Variants in NAV1 observed in about 807,000 individuals in gnomAD.
The protein encoded by NAV1 is pore membrane and/or filament interacting like protein 3.
NAV1 carries 18 observed loss-of-function variants against 175.2 expected under a neutral mutation model. That is an observed-to-expected ratio of 0.10 (90% CI 0.07 to 0.15). The LOEUF (loss-of-function observed/expected upper bound fraction) is 0.15, where lower values mean the gene tolerates loss of function less well. Ranked by LOEUF, NAV1 falls within the 10% of genes least tolerant of loss-of-function variation. NAV1 has a pLI of 1.00. For synonymous variants in NAV1, 897 were observed against 978.7 expected, an observed-to-expected ratio of 0.92 and a Z score of 1.56; for missense variants, 1,731 against 2,436.6, an observed-to-expected ratio of 0.71 and a Z score of 6.10.
chr1:201,665,250 G>T (rs1452184025), intron 1 of NAV1, among the ~76,000 whole-genome samples: 1 of 150,212 alleles, frequency 6.7e-6, no homozygotes, highest in Non-Finnish European at 1.5e-5. Context: ...CCGTTGCCTC[G>T]GCCACTCCCG....
At chr1:201,673,631 C>T (rs1889942) in intron 1 of NAV1, among the ~76,000 whole-genome samples, 55,386 of 151,962 alleles carry the variant, frequency 0.36, 10,340 homozygotes, top group East Asian at 0.48. Context: ...CCTCAGAGAG[C>T]CCCCATTCTG....
intron 7 of NAV1, among the ~76,000 whole-genome samples, chr1:201,784,738 A>T (rs1676594725): frequency 6.6e-6 from 1 of 150,858 alleles, no homozygotes; most frequent in Admixed American, 6.6e-5. Context: ...ACTATGCCTT[A>T]ATTTCTTTTT....
intron 1 of NAV1, among the ~76,000 whole-genome samples, chr1:201,671,847 G>A (rs2102380056): frequency 6.6e-6 from 1 of 152,306 alleles, no homozygotes; most frequent in South Asian, 2.1e-4. Context: ...GGTGAGTAAT[G>A]TCAGGCTGTC....
chr1:201,770,376 G>A (rs190891239), intron 3 of NAV1, among the ~76,000 whole-genome samples: 4 of 152,282 alleles, frequency 2.6e-5, no homozygotes, highest in African/African-American at 9.6e-5. Flanking sequence ...GAAAACAAGA[G>A]GAGGAATCAG....
chr1:201,696,466 G>A lies in NAV1; in HGVS notation c.758-16351G>A, dbSNP rs139893064. ...CCCAGTGAGGAGAAAGGGCTCCCTC[G>A]AGGAAGCATTGGACAGGAGCAGTGA... On this transcript the variant is annotated intron_variant, in intron 1 of 29. Transcript: ENST00000367296. Among the ~76,000 whole-genome samples the A allele has an allele frequency of 3.1e-3, 475 of 152,308 alleles. 5 individuals are homozygous for A. Among genetic ancestry groups the A allele is most frequent in the African/African-American group, 8.6e-3 (357 of 41,558 alleles).
rs567701280 is a variant in NAV1, at chr1:201,662,752, A to G, written c.757+13327A>G. Among the ~76,000 whole-genome samples, 40 of 152,214 alleles carry G rather than the reference A, an allele frequency of 2.6e-4. No individual in the cohort carries two copies. In the South Asian group the frequency reaches 8.3e-3, roughly 32 times the overall value. On this transcript the variant is annotated intron_variant, in intron 1 of 29. Transcript: ENST00000367296. ...CAGACACCCTGTCCTTCCTCACCCT[A>G]ACCACCATGGCTCTGGAGAACCTAG...
Position 201,812,728 on chromosome 1 carries a change from G to T in NAV1, c.5221+67G>T. ...CCCTTTTCCACTGTACCACCTGGAG[G>T]GATGCTCCCTTCTCTTCCTGGAGTC... On this transcript the variant is annotated intron_variant, in intron 27 of 29. Transcript: ENST00000367296. The surrounding 1 kb of genome is among the most constrained non-coding windows in gnomAD (Gnocchi z 4.6). The T allele has an allele frequency of 7.2e-7, 1 of 1,393,494 alleles. No individual in the cohort carries two copies. Among genetic ancestry groups the T allele is most frequent in the Non-Finnish European group, 1.0e-6 (1 of 990,698 alleles). 86.3% of individuals were successfully genotyped at this position (1,393,494 alleles called of 1,614,324 possible).
intron 1 of NAV1, among the ~76,000 whole-genome samples, chr1:201,680,237 C>A (rs865996404): frequency 1.3e-5 from 2 of 152,116 alleles, no homozygotes; most frequent in African/African-American, 4.8e-5. Flanking sequence ...AGGCTGGGCG[C>A]GGTGGCTCAC....
chr1:201,770,003 A>T (rs1675472263), intron 3 of NAV1, among the ~76,000 whole-genome samples: 1 of 152,242 alleles, frequency 6.6e-6, no homozygotes, highest in African/African-American at 2.4e-5. Flanking sequence ...TTTCCTATGT[A>T]GTCACAAGCT....
chr1:201,603,231 C>T (rs1437761141), intron 2 of NAV1, among the ~76,000 whole-genome samples: 2 of 152,164 alleles, frequency 1.3e-5, no homozygotes, highest in African/African-American at 4.8e-5. Flanking sequence ...AAAGATTTTA[C>T]GGTTTCCTGG....
chr1:201,571,249 G>A (rs1666532753), intron 1 of NAV1, among the ~76,000 whole-genome samples: 1 of 152,360 alleles, frequency 6.6e-6, no homozygotes, highest in South Asian at 2.1e-4. Context: ...TCATCAGAAA[G>A]GGGAGGTAGT....
At chr1:201,711,757 T>C (rs1269740808) in intron 1 of NAV1, among the ~76,000 whole-genome samples, 5 of 152,228 alleles carry the variant, frequency 3.3e-5, no homozygotes, top group Admixed American at 1.3e-4. Flanking sequence ...AAATGAAAGA[T>C]AAGCCATGGG....
At chr1:201,600,127 A>G (rs2102230283) in intron 2 of NAV1, among the ~76,000 whole-genome samples, 1 of 152,238 alleles carries the variant, frequency 6.6e-6, no homozygotes, top group East Asian at 1.9e-4. Flanking sequence ...TCATCCCTGA[A>G]AGCCTTTGTA....
At chr1:201,797,277 C>T (rs190067573) in intron 15 of NAV1, 2 of 152,320 alleles carry the variant, frequency 1.3e-5, no homozygotes, top group East Asian at 3.9e-4. Context: ...TCTAGGAAAT[C>T]AATTGACTAT....
At chr1:201,611,662 T>A (rs1002628491) in intron 2 of NAV1, among the ~76,000 whole-genome samples, 2 of 152,230 alleles carry the variant, frequency 1.3e-5, no homozygotes, top group African/African-American at 4.8e-5. Context: ...ATGTGTGAGC[T>A]GAACAAGGTC....
intron 1 of NAV1, among the ~76,000 whole-genome samples, chr1:201,561,895 A>T (rs1012611585): frequency 6.6e-6 from 1 of 152,258 alleles, no homozygotes; most frequent in East Asian, 1.9e-4. Flanking sequence ...TGGTCACAGC[A>T]TGAGACTATC....
At chr1:201,547,999 G>A (rs56349857) in intron 1 of NAV1, among the ~76,000 whole-genome samples, 26,312 of 151,952 alleles carry the variant, frequency 0.17, 3,060 homozygotes, top group East Asian at 0.52. Context: ...CCACCATCTT[G>A]GCCAGGCTGG....
chr1:201,777,533 G>A lies in NAV1; in HGVS notation c.1227-2888G>A, dbSNP rs190175678. ...GTCTTGAACACCTGGCTTCAAGGAG[G>A]AGTTTTGCACCCAGCCTTTTTTTTT... On this transcript the variant is annotated intron_variant, in intron 3 of 29. Coordinates refer to ENST00000367296, the Ensembl canonical transcript of NAV1. Among the ~76,000 whole-genome samples, 170 of 151,096 alleles carry A rather than the reference G, an allele frequency of 1.1e-3. 2 individuals are homozygous for A. The highest frequency in any genetic ancestry group is 3.9e-3 in the African/African-American group (160 of 41,210).
At chr1:201,708,834 G>A (rs1017942281) in intron 1 of NAV1, among the ~76,000 whole-genome samples, 1 of 151,992 alleles carries the variant, frequency 6.6e-6, no homozygotes, top group African/African-American at 2.4e-5. Flanking sequence ...CAGCCTCCAG[G>A]GCATCTCAAC....
Sources: gnomAD v4.1 joint callset for allele counts (sites outside exome capture counted in the v4.1 genomes callset) on GRCh38, gnomAD v4.1.1 for gene constraint, Gnocchi (gnomAD v3.1) non-coding constraint, MANE v1.5 for transcripts, NCBI Gene and HGNC (gene_info 2026-07-23, HGNC 2026-07-21) for gene names.